The following GRK6 variants were observed in gnomAD, a reference collection of about 807,000 sequenced individuals.
The protein encoded by GRK6 is G protein-coupled receptor kinase 6.
GRK6 carries 37 observed loss-of-function variants against 80.8 expected under a neutral mutation model. The observed-to-expected ratio is 0.46, with a 90% CI of 0.35 to 0.60. The LOEUF (loss-of-function observed/expected upper bound fraction) is 0.60, where lower values mean the gene tolerates loss of function less well. GRK6 is among the 20% of genes least tolerant of loss of function. The pLI is 0.00. For synonymous variants in GRK6, 295 were observed against 320.9 expected, an observed-to-expected ratio of 0.92 and a Z score of 0.86; for missense variants, 560 against 784.6, an observed-to-expected ratio of 0.71 and a Z score of 3.42.
At position 177,441,819 on chromosome 5, in the gene GRK6, T is replaced by C; in HGVS notation, c.*29T>C. 6.2e-7 allele frequency: 1 copy of C among 1,602,918 alleles called. No homozygotes were observed. Among genetic ancestry groups the C allele is most frequent in the Non-Finnish European group, 8.5e-7 (1 of 1,170,692 alleles). ...CCAGCCCGAGGCCCCCACCAGCAGT[T>C]GGCGGTAGCAGCTACTCCGAGCGCC... On this transcript the variant is annotated 3_prime_UTR_variant, in exon 16 of 16. Coordinates refer to ENST00000355472, the MANE Select transcript of GRK6 (RefSeq NM_001004106.3).
intron 13 of GRK6, among the ~76,000 whole-genome samples, chr5:177,439,439 C>T (rs915948600): frequency 6.6e-6 from 1 of 151,446 alleles, no homozygotes; most frequent in South Asian, 2.1e-4. Flanking sequence ...ACTTGGGAGG[C>T]TGAGGCAGGA....
rs182443546 is a variant in GRK6 at position 177,430,877 on chromosome 5, G to A, written c.58G>A (p.Gly20Ser). ...TVLLKAREGGGGNRKGKSKKW... is the reference protein window; with the variant it reads ...TVLLKAREGGSGNRKGKSKKW... ...GTGTCCTATTGCTCCCACAGGTGGC[G>A]GTGGAAATCGCAAAGGCAAAAGCAA... Residue 20 changes from glycine (G) to serine (S), a missense_variant, in exon 2 of 16, where the codon GGT (glycine) becomes AGT (serine). This residue lies in a region of GRK6 where 189 missense variants were observed against 230.2 expected (regional missense o/e 0.82). Transcript: ENST00000355472. 5.0e-6 allele frequency: 8 copies of A among 1,613,966 alleles called. No homozygotes were observed. Among genetic ancestry groups the A allele is most frequent in the East Asian group, 4.5e-5 (2 of 44,886 alleles).
rs1385799371 is a variant in GRK6 at position 177,429,008 on chromosome 5, G to T, written c.53-1864G>T. On this transcript the variant is annotated intron_variant, in intron 1 of 15. Transcript: ENST00000355472. The surrounding 1 kb of genome is among the most constrained non-coding windows in gnomAD (Gnocchi z 4.3). ...ATAGATGCCAGCCATGTTTGGGGTGGGAAAGGAGCTTGGGTTGTGGCCATA... is the reference window on the plus strand; with the variant it reads ...ATAGATGCCAGCCATGTTTGGGGTGTGAAAGGAGCTTGGGTTGTGGCCATA... 1.3e-5 allele frequency among the ~76,000 whole-genome samples: 2 copies of T among 152,110 alleles called. No homozygotes were observed. Among genetic ancestry groups the T allele is most frequent in the Admixed American group, 6.5e-5 (1 of 15,278 alleles).
Position 177,428,211 on chromosome 5 carries a change from C to T in GRK6, c.52+1314C>T, listed in dbSNP as rs977387718. On this transcript the variant is annotated intron_variant, in intron 1 of 15. Transcript: ENST00000355472. The surrounding 1 kb of genome is among the most constrained non-coding windows in gnomAD (Gnocchi z 4.1). ...TGTTCTGCCTCGTCATCCAACCAGC[C>T]AGGGAGGAGGGGTGGGGAGGGCCGA... is the stretch of plus-strand genomic sequence containing the variant. Among the ~76,000 whole-genome samples the T allele has an allele frequency of 6.6e-6, 1 of 152,234 alleles. No individual in the cohort carries two copies. The highest frequency in any genetic ancestry group is 1.9e-4 in the East Asian group (1 of 5,198).
chr5:177,426,926 C>A, intron 1 of GRK6, 29 bp downstream of exon 1: 1 of 1,334,068 alleles, frequency 7.5e-7, no homozygotes, highest in Admixed American at 3.1e-5. Flanking sequence ...CGGCCGGGCC[C>A]GGGTGCGTGG....
At position 177,428,297 on chromosome 5, in the gene GRK6, C is replaced by T. The variant is rs1763751730; in HGVS notation, c.52+1400C>T. The stretch of plus-strand genomic sequence containing the variant: ...GGCCTCAGGCCTGCTGATGGCACTG[C>T]CTGGCCGGAGAGTGTGGGTACCTTT... On this transcript the variant is annotated intron_variant, in intron 1 of 15. Transcript: ENST00000355472. The surrounding 1 kb of genome is among the most constrained non-coding windows in gnomAD (Gnocchi z 4.1). 6.6e-6 allele frequency among the ~76,000 whole-genome samples: 1 copy of T among 152,252 alleles called. No individual in the cohort carries two copies. Among genetic ancestry groups the T allele is most frequent in the Admixed American group, 6.5e-5 (1 of 15,284 alleles).
Position 177,428,842 on chromosome 5 carries a change from G to A in GRK6, c.52+1945G>A, listed in dbSNP as rs551918004. On this transcript the variant is annotated intron_variant, in intron 1 of 15. Transcript: ENST00000355472. The surrounding 1 kb of genome is among the most constrained non-coding windows in gnomAD (Gnocchi z 4.1). ...TTGTCACTGAGTCCTGAGCCCAGGC[G>A]CCTGGACGGGCTGCATCAGAACCAC... is the stretch of plus-strand genomic sequence containing the variant. Among the ~76,000 whole-genome samples, 26 of 152,298 alleles carry A rather than the reference G, an allele frequency of 1.7e-4. No individual in the cohort carries two copies. Among genetic ancestry groups the A allele is most frequent in the South Asian group, 1.0e-3 (5 of 4,824 alleles).
chr5:177,429,239 C>T lies in GRK6; in HGVS notation c.53-1633C>T, dbSNP rs1229064719. The stretch of plus-strand genomic sequence containing the variant: ...TGAGACCTCCCTCAGTACCCCTTCT[C>T]TTCCCAGGCACTCAGAGGCATGGGG... On this transcript the variant is annotated intron_variant, in intron 1 of 15. Coordinates refer to ENST00000355472, the MANE Select transcript of GRK6 (RefSeq NM_001004106.3). The surrounding 1 kb of genome is among the most constrained non-coding windows in gnomAD (Gnocchi z 4.3). 6.6e-6 allele frequency among the ~76,000 whole-genome samples: 1 copy of T among 152,172 alleles called. No individual in the cohort carries two copies. The highest frequency in any genetic ancestry group is 2.4e-5 in the African/African-American group (1 of 41,430).
Position 177,426,758 on chromosome 5 carries a change from G to A in GRK6, c.-88G>A. On this transcript the variant is annotated 5_prime_UTR_variant, in exon 1 of 16. Transcript: ENST00000355472. The stretch of plus-strand genomic sequence containing the variant: ...ACTGCGAGCCGAGCCGAGCCGCGCC[G>A]AGCCGCGCCGATCGCCATCCGGCCT... 1.4e-6 allele frequency: 1 copy of A among 691,672 alleles called. No homozygotes were observed. Among genetic ancestry groups the A allele is most frequent in the Non-Finnish European group, 1.8e-6 (1 of 562,878 alleles). 42.8% of individuals were successfully genotyped at this position (691,672 alleles called of 1,614,324 possible). A position where few individuals can be genotyped will look rare whatever the true frequency, so the allele number is the denominator to read the frequency against.
intron 1 of GRK6, among the ~76,000 whole-genome samples, chr5:177,427,358 G>T (rs1427904667): frequency 6.6e-6 from 1 of 152,232 alleles, no homozygotes; most frequent in Non-Finnish European, 1.5e-5. Flanking sequence ...CTGACTTGGG[G>T]AAACTCCTGG....
chr5:177,434,837 G>C (rs534201652), intron 9 of GRK6, 65 bp from the exon 10 acceptor site: 1 of 1,588,566 alleles, frequency 6.3e-7, no homozygotes, highest in Non-Finnish European at 8.6e-7. Flanking sequence ...GAGCTGGGGG[G>C]GCTGGCCCCT....
chr5:177,436,334 T>TTCCCC, intron 12 of GRK6, 53 bp downstream of exon 12: 29 of 1,555,978 alleles, frequency 1.9e-5, no homozygotes, highest in Non-Finnish European at 2.4e-5. Context: ...GATGCACCTT[T>TTCCCC]CCCTCCCTCC....
At chr5:177,427,201 G>C (rs1763708059) in intron 1 of GRK6, among the ~76,000 whole-genome samples, 1 of 152,228 alleles carries the variant, frequency 6.6e-6, no homozygotes, top group Non-Finnish European at 1.5e-5. Context: ...GCCTGTCTGA[G>C]AGGCAAGCCT....
At chr5:177,431,126 G>A (rs923254990) in intron 2 of GRK6, among the ~76,000 whole-genome samples, 159 bp downstream of exon 2, 1 of 152,238 alleles carries the variant, frequency 6.6e-6, no homozygotes, top group Non-Finnish European at 1.5e-5. Flanking sequence ...TTCAGTTCCT[G>A]GGCTTGGGAC....
intron 13 of GRK6, among the ~76,000 whole-genome samples, chr5:177,439,357 G>C (rs1446961597): frequency 6.6e-6 from 1 of 152,006 alleles, no homozygotes; most frequent in Admixed American, 6.6e-5. Flanking sequence ...TGGCCAACAA[G>C]GTGAAACCCC....
intron 9 of GRK6, 80 bp from the exon 10 acceptor site, chr5:177,434,822 C>T (rs888979934): frequency 1.9e-5 from 29 of 1,524,456 alleles, no homozygotes; most frequent in South Asian, 3.4e-5. Context: ...CCCCCGGAGG[C>T]GAGTGAGCTG....
intron 13 of GRK6, among the ~76,000 whole-genome samples, chr5:177,437,612 G>A (rs1764223029): frequency 6.6e-6 from 1 of 152,204 alleles, no homozygotes; most frequent in Non-Finnish European, 1.5e-5. Flanking sequence ...ACCGTGGAGT[G>A]TATTGGTTCA....
At position 177,434,927 on chromosome 5, in the gene GRK6, C is replaced by T. The variant is rs755009682; in HGVS notation, c.955C>T (p.Leu319=). 1.9e-6 allele frequency: 3 copies of T among 1,571,314 alleles called. No individual in the cohort carries two copies. The highest frequency in any genetic ancestry group is 1.4e-5 in the African/African-American group (1 of 73,386). Residue 319 remains leucine, a synonymous_variant, in exon 10 of 16, where the codon CTG becomes TTG. Transcript: ENST00000355472. ...GGACCTGAAGCCCGAGAACATCTTG[C>T]TGGATGACCACGGTGTGTAAGGGTG... ...YRDLKPENIL[L]DDHGHIRISD...
chr5:177,436,049 C>T (rs1581683806), intron 11 of GRK6, 24 bp from the exon 12 acceptor site: 1 of 1,606,752 alleles, frequency 6.2e-7, no homozygotes, highest in Admixed American at 1.7e-5. Context: ...CTGCCCAGCC[C>T]TAACTCCCAT....
Sources: allele counts gnomAD v4.1 joint callset (sites outside exome capture counted in the v4.1 genomes callset), GRCh38; gene constraint gnomAD v4.1.1; regional missense constraint gnomAD v4.1.1; non-coding constraint Gnocchi (gnomAD v3.1); transcripts MANE v1.5; gene names NCBI Gene and HGNC (gene_info 2026-07-23, HGNC 2026-07-21).